Variants in IKBKB observed in about 807,000 individuals in gnomAD.
IKBKB encodes inhibitor of nuclear factor kappa-B kinase subunit beta.
A neutral mutation model predicts 113.6 loss-of-function variants in IKBKB; 42 were observed. The ratio of observed to expected loss-of-function variants is 0.37; its 90% CI spans 0.29 to 0.48. The LOEUF (loss-of-function observed/expected upper bound fraction) is 0.48. IKBKB is among the 20% of genes least tolerant of loss of function. The pLI, the probability that IKBKB is intolerant of heterozygous loss-of-function variation, is 0.99. For synonymous variants in IKBKB, 296 were observed against 361.3 expected (o/e 0.82, Z 2.05); for missense variants, 673 against 939.7 (o/e 0.72, Z 3.71).
intron 16 of IKBKB, 77 bp downstream of exon 16, chr8:42,320,921 C>A: frequency 1.1e-6 from 1 of 875,424 alleles, no homozygotes; most frequent in Non-Finnish European, 1.8e-6. Flanking sequence ...GTGTCAAGGG[C>A]ACCCTCAGTG....
chr8:42,302,703 G>A (rs1350111977), intron 5 of IKBKB, among the ~76,000 whole-genome samples: 1 of 151,214 alleles, frequency 6.6e-6, no homozygotes, highest in Non-Finnish European at 1.5e-5. Context: ...AGGTATATAT[G>A]AAACAAATGA....
At chr8:42,276,121 G>C (rs1327649830) in intron 2 of IKBKB, among the ~76,000 whole-genome samples, 1 of 152,200 alleles carries the variant, frequency 6.6e-6, no homozygotes, top group Non-Finnish European at 1.5e-5. Flanking sequence ...AATTACAGGT[G>C]TGAGCCACTG....
intron 2 of IKBKB, among the ~76,000 whole-genome samples, chr8:42,276,959 C>T (rs1275061391): frequency 6.9e-6 from 1 of 145,388 alleles, no homozygotes; most frequent in African/African-American, 2.6e-5. Context: ...CTCCGCCTCC[C>T]GGGTTCATGC....
intron 5 of IKBKB, chr8:42,297,964 G>C (rs1193869663): frequency 2.9e-6 from 1 of 342,054 alleles, no homozygotes; most frequent in Non-Finnish European, 4.1e-6. Flanking sequence ...ATCCTGGCCA[G>C]GACTCTTCTG....
Position 42,329,456 on chromosome 8 carries a change from G to T in IKBKB, c.2205+242G>T, listed in dbSNP as rs931171838. On this transcript the variant is annotated intron_variant, in intron 21 of 21. Coordinates refer to ENST00000520810, the MANE Select transcript of IKBKB (RefSeq NM_001556.3). ...TCATGCCTCAGCCTCCTGAGTAGCT[G>T]GGACTACAGGCGTGCGTCACCACAT... 23 of 887,240 alleles carry T rather than the reference G, an allele frequency of 2.6e-5. No homozygotes were observed. The African/African-American group carries it at 3.8e-4, about 15-fold the overall frequency. The allele number at this position is 887,240 out of a possible 1,614,324, so 55.0% of individuals were successfully genotyped here.
intron 2 of IKBKB, among the ~76,000 whole-genome samples, chr8:42,283,588 C>A (rs1810781933): frequency 6.6e-6 from 1 of 152,106 alleles, no homozygotes; most frequent in African/African-American, 2.4e-5. Context: ...AGTGGCGCTT[C>A]TAGAAGATGC....
chr8:42,308,765 C>T (rs1052971553), intron 7 of IKBKB, 136 bp from the exon 8 acceptor site: 8 of 754,850 alleles, frequency 1.1e-5, no homozygotes, highest in Non-Finnish European at 1.8e-5. Flanking sequence ...CCTGGGGTGC[C>T]CTCCTCGCCC....
In IKBKB at chr8:42,271,436, G is replaced by C. The variant is rs1234753028; in HGVS notation, c.-52G>C. ...CCAGCCCCGCCTTCCCCGCCCCGGG[G>C]AGCCCGCCCCCTGCCCCGCGTCCCT... On this transcript the variant is annotated 5_prime_UTR_variant, in exon 1 of 22. Transcript: ENST00000520810. 2 of 1,474,298 alleles carry C rather than the reference G, an allele frequency of 1.4e-6. No homozygotes were observed. Among genetic ancestry groups the C allele is most frequent in the Admixed American group, 2.0e-5 (1 of 50,562 alleles). 91.3% of individuals were successfully genotyped at this position (1,474,298 alleles called of 1,614,324 possible).
At chr8:42,301,795 G>T (rs898765710) in intron 5 of IKBKB, among the ~76,000 whole-genome samples, 1 of 152,142 alleles carries the variant, frequency 6.6e-6, no homozygotes, top group African/African-American at 2.4e-5. Flanking sequence ...CGTAGAGAGC[G>T]GTGCCTTTGG....
intron 2 of IKBKB, among the ~76,000 whole-genome samples, chr8:42,273,212 T>A (rs1405042873): frequency 6.6e-6 from 1 of 151,738 alleles, no homozygotes; most frequent in African/African-American, 2.4e-5. Flanking sequence ...AGGTCAGGAG[T>A]TTGAGACCAG....
At chr8:42,290,738 A>G (rs754102560) in intron 4 of IKBKB, among the ~76,000 whole-genome samples, 2 of 152,106 alleles carry the variant, frequency 1.3e-5, no homozygotes, top group Non-Finnish European at 2.9e-5. Context: ...AGGATTCATG[A>G]TCAGAGAGCC....
chr8:42,288,213 C>G (rs1415508959), intron 2 of IKBKB, among the ~76,000 whole-genome samples: 2 of 152,000 alleles, frequency 1.3e-5, no homozygotes, highest in Non-Finnish European at 2.9e-5. Context: ...ATGGTGAAAC[C>G]CCGTCTCTAC....
intron 8 of IKBKB, among the ~76,000 whole-genome samples, chr8:42,310,541 A>C (rs1433930776): frequency 1.3e-5 from 2 of 152,238 alleles, no homozygotes; most frequent in Admixed American, 6.5e-5. Flanking sequence ...TTTTCACACC[A>C]TGAGAATTTC....
At chr8:42,324,732 C>T (rs1820416148) in intron 19 of IKBKB, 1 of 152,748 alleles carries the variant, frequency 6.5e-6, no homozygotes, top group Non-Finnish European at 1.5e-5. Context: ...AAGGGCCGCT[C>T]AGCAAGGCTG....
At chr8:42,298,345 G>T (rs1231460141) in intron 5 of IKBKB, 2 of 985,326 alleles carry the variant, frequency 2.0e-6, no homozygotes, top group Non-Finnish European at 2.4e-6. Context: ...GGCCTTTCGG[G>T]AACCCACCCC....
chr8:42,271,762 G>A (rs1401254686), intron 1 of IKBKB: 12 of 504,534 alleles, frequency 2.4e-5, no homozygotes, highest in Non-Finnish European at 3.5e-5. Context: ...ACCTCGGGCA[G>A]AAGGCGGGCA....
rs202052842 is a variant in IKBKB, at chr8:42,332,272, C to T, written c.*1293C>T. ...TTCACTTGCTTTGTGGAGATTCACA[C>T]TATGCACTGGGAAAGTATCTGAAAA... On this transcript the variant is annotated 3_prime_UTR_variant, in exon 22 of 22. Transcript: ENST00000520810. 9 of 152,344 alleles carry T rather than the reference C, an allele frequency of 5.9e-5. No individual in the cohort carries two copies. In the South Asian group the frequency reaches 1.0e-3, roughly 18 times the overall value. The allele number at this position is 152,344 out of a possible 1,614,324, so 9.4% of individuals were successfully genotyped here. A position where few individuals can be genotyped will look rare whatever the true frequency, so the allele number is the denominator to read the frequency against.
Position 42,314,383 on chromosome 8 carries a change from A to G in IKBKB, c.754A>G (p.Thr252Ala). The G allele has an allele frequency of 6.2e-7, 1 of 1,613,944 alleles. No individual in the cohort carries two copies. The highest frequency in any genetic ancestry group is 8.5e-7 in the Non-Finnish European group (1 of 1,179,792). The change falls in exon 9 of 22, where the codon ACG becomes GCG. Residue 252 changes from threonine to alanine, a missense_variant. Transcript: ENST00000520810. ...DIVVSEDLNG[T>A]VKFSSSLPYP... ...TGTTGTTAGCGAAGACTTGAATGGA[A>G]CGGTGAAGTTTTCAAGCTCTTTACC...
At chr8:42,288,554 G>A (rs1811906151) in intron 2 of IKBKB, 80 bp from the exon 3 acceptor site, 1 of 1,083,748 alleles carries the variant, frequency 9.2e-7, no homozygotes, top group East Asian at 2.7e-5. Context: ...TTGGGGCCTG[G>A]AGACCCCTCC....
Sources: allele counts gnomAD v4.1 joint callset (sites outside exome capture counted in the v4.1 genomes callset), GRCh38; gene constraint gnomAD v4.1.1; transcripts MANE v1.5; gene names NCBI Gene and HGNC (gene_info 2026-07-23, HGNC 2026-07-21).